TOP3B: variants seen among roughly 807,000 people sequenced by gnomAD.
TOP3B encodes the protein DNA topoisomerase III beta.
Under a neutral mutation model 93.9 loss-of-function variants are expected in TOP3B, and 45 were observed. The ratio of observed to expected loss-of-function variants is 0.48; its 90% CI spans 0.38 to 0.61. TOP3B has a LOEUF of 0.61. Among genes scored for constraint, TOP3B ranks in the 20% least tolerant of loss-of-function variants. TOP3B has a pLI of 0.00. For synonymous variants in TOP3B, 357 were observed against 472.6 expected (o/e 0.76, Z 3.17); for missense variants, 750 against 1,156.1 (o/e 0.65, Z 5.09).
At chr22:21,958,729 T>G in intron 16 of TOP3B, 36 bp from the exon 17 acceptor site, 1 of 1,560,504 alleles carries the variant, frequency 6.4e-7, no homozygotes, top group South Asian at 1.2e-5. Flanking sequence ...TGAGGGTCAC[T>G]GGGGCCACCG....
rs139988290 is a variant in TOP3B, at chr22:21,959,491, G to A, written c.1804+96C>T. 1.2e-3 allele frequency: 1,777 copies of A among 1,519,454 alleles called. 6 individuals carry two copies. Among genetic ancestry groups the A allele is most frequent in the Middle Eastern group, 0.011 (59 of 5,580 alleles). 94.1% of individuals were successfully genotyped at this position (1,519,454 alleles called of 1,614,324 possible). A position where few individuals can be genotyped will look rare whatever the true frequency, so the allele number is the denominator to read the frequency against. ...ACGGAGGCCTGAAGCCCAGATCTGG[G>A]AGCTGGTCCCACGTGGGGACCTGGG... On this transcript the variant is annotated intron_variant, in intron 15 of 17. Coordinates refer to ENST00000357179, the MANE Select transcript of TOP3B (RefSeq NM_001282112.2).
In TOP3B at chr22:21,971,252, G is replaced by A. The variant is rs34239349; in HGVS notation, c.384+625C>T. ...TCTCACTGACCAGCTCTTGAGCCAC[G>A]GGTGAGAGCTGGGGGTACAGGAGCA... On this transcript the variant is annotated intron_variant, in intron 5 of 17. Transcript: ENST00000357179. This position sits in a 1 kb window ranked among gnomAD's most constrained non-coding sequence, Gnocchi z 4.6. 41,481 of 315,940 alleles carry A rather than the reference G, an allele frequency of 0.13. 3,345 individuals are homozygous for A. The highest frequency in any genetic ancestry group is 0.17 in the Middle Eastern group (153 of 876). The allele number at this position is 315,940 out of a possible 1,614,324, so 19.6% of individuals were successfully genotyped here. A position where few individuals can be genotyped will look rare whatever the true frequency, so the allele number is the denominator to read the frequency against.
chr22:21,977,860 C>T (rs564268328), intron 1 of TOP3B, among the ~76,000 whole-genome samples: 1 of 152,134 alleles, frequency 6.6e-6, no homozygotes, highest in Non-Finnish European at 1.5e-5. Flanking sequence ...GCAGGGAATA[C>T]AGCACAAAGC....
chr22:21,965,334 G>C lies in TOP3B; in HGVS notation c.894C>G (p.Pro298=), dbSNP rs772008422. 7 of 1,609,332 alleles carry C rather than the reference G, an allele frequency of 4.3e-6. No homozygotes were observed. The highest frequency in any genetic ancestry group is 5.9e-6 in the Non-Finnish European group (7 of 1,177,944). Residue 298 remains proline (P), a synonymous_variant, in exon 9 of 18, where the codon CCC becomes CCG. Transcript: ENST00000357179. The stretch of plus-strand genomic sequence containing the variant: ...GCATCTCCACAGTGTTCAGGGCCAG[G>C]GGCCTCTGCTTGGCCTTTTCTTTCC... ...TSRKEKAKQR[P]LALNTVEMLR... is the part of the protein sequence containing the mutation.
In TOP3B at chr22:21,971,278, C is replaced by T. The variant is rs373988739; in HGVS notation, c.384+599G>A. 25 of 255,896 alleles carry T rather than the reference C, an allele frequency of 9.8e-5. No homozygotes were observed. The East Asian group carries it at 1.5e-3, about 15-fold the overall frequency. The allele number at this position is 255,896 out of a possible 1,614,324, so 15.9% of individuals were successfully genotyped here. On this transcript the variant is annotated intron_variant, in intron 5 of 17. Transcript: ENST00000357179. This position sits in a 1 kb window ranked among gnomAD's most constrained non-coding sequence, Gnocchi z 4.6. ...GGTGAGAGCTGGGGGTACAGGAGCA[C>T]GGGGGCGACCCATAGAACAACAGTC...
intron 2 of TOP3B, chr22:21,975,413 C>T (rs944108635): frequency 4.3e-6 from 2 of 470,012 alleles, no homozygotes; most frequent in African/African-American, 4.0e-5. Context: ...GACTGTCCTT[C>T]AATTTCATTG....
rs938289294 is a variant in TOP3B at position 21,968,421 on chromosome 22, A to C, written c.738+198T>G. The C allele has an allele frequency of 5.5e-5, 34 of 612,982 alleles. No homozygotes were observed. In the African/African-American group the frequency reaches 5.7e-4, roughly 10 times the overall value. 38.0% of individuals were successfully genotyped at this position (612,982 alleles called of 1,614,324 possible). A position where few individuals can be genotyped will look rare whatever the true frequency, so the allele number is the denominator to read the frequency against. On this transcript the variant is annotated intron_variant, in intron 7 of 17. Transcript: ENST00000357179. ...ATTCCCACTTATCCAGATTCAGCATATACAGGCCCAGTCTCTTCCCACTGC... is the reference window on the plus strand; with the variant it reads ...ATTCCCACTTATCCAGATTCAGCATCTACAGGCCCAGTCTCTTCCCACTGC...
Position 21,970,686 on chromosome 22 carries a change from C to G in TOP3B, c.385-280G>C. The G allele has an allele frequency of 2.1e-6, 1 of 478,490 alleles. No homozygotes were observed. The highest frequency in any genetic ancestry group is 3.3e-5 in the Admixed American group (1 of 30,334). 29.6% of individuals were successfully genotyped at this position (478,490 alleles called of 1,614,324 possible). On this transcript the variant is annotated intron_variant, in intron 5 of 17. Coordinates refer to ENST00000357179, the MANE Select transcript of TOP3B (RefSeq NM_001282112.2). The surrounding 1 kb of genome is among the most constrained non-coding windows in gnomAD (Gnocchi z 4.4). ...CGAACACTCCCTTCTTACTCCCGCC[C>G]TCTCTTCTAATCCTCTGCTTTCATC...
intron 17 of TOP3B, 114 bp downstream of exon 17, chr22:21,958,369 CCAATGAGTG>C (rs1270263977): frequency 6.5e-7 from 1 of 1,544,196 alleles, no homozygotes; most frequent in African/African-American, 1.4e-5. Flanking sequence ...CGTCTCAGTG[CCAATGAGTG>C]CAGGAAAGGC....
chr22:21,972,791 T>C (rs2071695524), intron 3 of TOP3B, 73 bp from the exon 4 acceptor site: 1 of 1,268,668 alleles, frequency 7.9e-7, no homozygotes, highest in Non-Finnish European at 1.1e-6. Flanking sequence ...CAGGAGGATG[T>C]TGGCCTCATC....
intron 13 of TOP3B, chr22:21,960,724 A>C: frequency 2.2e-6 from 1 of 456,326 alleles, no homozygotes. Context: ...AGGTTAAGGA[A>C]CTCTCCAAGG....
At chr22:21,959,063 T>C in intron 16 of TOP3B, 69 bp downstream of exon 16, 1 of 1,574,566 alleles carries the variant, frequency 6.4e-7, no homozygotes, top group Non-Finnish European at 8.7e-7. Flanking sequence ...TGATTCCTGC[T>C]GATCAACGAT....
intron 4 of TOP3B, 69 bp downstream of exon 4, chr22:21,972,543 G>C: frequency 8.1e-7 from 1 of 1,240,742 alleles, no homozygotes; most frequent in South Asian, 1.4e-5. Flanking sequence ...AGCAAGGGTG[G>C]GCAAAGACAT....
chr22:21,958,747 A>T (rs537008579), intron 16 of TOP3B, 54 bp from the exon 17 acceptor site: 1 of 1,520,926 alleles, frequency 6.6e-7, no homozygotes, highest in East Asian at 2.4e-5. Flanking sequence ...CCGACTTGGC[A>T]CCCACCCCCA....
intron 3 of TOP3B, chr22:21,973,097 A>C: frequency 3.4e-6 from 1 of 294,186 alleles, no homozygotes; most frequent in Non-Finnish European, 6.6e-6. Context: ...CTTCATTGAC[A>C]CTTCCAACCT....
rs767628732 is a variant in TOP3B at position 21,958,469 on chromosome 22, C to A, written c.2107+23G>T. 1.9e-6 allele frequency: 3 copies of A among 1,613,646 alleles called. No homozygotes were observed. The African/African-American group carries it at 4.0e-5, about 22-fold the overall frequency. On this transcript the variant is annotated intron_variant, in intron 17 of 17. Transcript: ENST00000357179. ...AAAAGAGACTGCAGCTACCTGTGGA[C>A]AGGAGGGAGTGGCTGCACTCACCTT...
At chr22:21,967,503 A>G (rs2071459250) in intron 8 of TOP3B, 100 bp downstream of exon 8, 5 of 876,452 alleles carry the variant, frequency 5.7e-6, no homozygotes, top group Non-Finnish European at 7.5e-6. Flanking sequence ...AGGGGGAGAA[A>G]GACGTGGACT....
chr22:21,957,730 C>T (rs2145821584), intron 17 of TOP3B, 135 bp from the exon 18 acceptor site: 1 of 1,469,102 alleles, frequency 6.8e-7, no homozygotes, highest in East Asian at 2.5e-5. Flanking sequence ...CTCTTGGGGA[C>T]AGCCTTGCTC....
At position 21,982,711 on chromosome 22, in the gene TOP3B, C is replaced by T. The variant is rs1205674289; in HGVS notation, c.-99+19G>A. 6.6e-6 allele frequency: 1 copy of T among 152,246 alleles called. No individual in the cohort carries two copies. Among genetic ancestry groups the T allele is most frequent in the Non-Finnish European group, 1.5e-5 (1 of 68,050 alleles). The allele number at this position is 152,246 out of a possible 1,614,324, so 9.4% of individuals were successfully genotyped here. A position where few individuals can be genotyped will look rare whatever the true frequency, so the allele number is the denominator to read the frequency against. ...CCTTTCTGAGCCGCCGGGCGAGGGT[C>T]CCGCAGCCCGCCGCTCACCCACAGC... is the stretch of plus-strand genomic sequence containing the variant. On this transcript the variant is annotated intron_variant, in intron 1 of 17. Coordinates refer to ENST00000357179, the MANE Select transcript of TOP3B (RefSeq NM_001282112.2).
Sources: allele counts gnomAD v4.1 joint callset (sites outside exome capture counted in the v4.1 genomes callset), GRCh38; gene constraint gnomAD v4.1.1; non-coding constraint Gnocchi (gnomAD v3.1); transcripts MANE v1.5; gene names NCBI Gene and HGNC (gene_info 2026-07-23, HGNC 2026-07-21).